ATP6V1B1: variants seen among roughly 807,000 people sequenced by gnomAD.
ATP6V1B1 encodes ATPase H+ transporting V1 subunit B1.
In ATP6V1B1, 41 loss-of-function variants were observed where a neutral mutation model predicts 62.1. That is an observed-to-expected ratio of 0.66 (90% CI 0.51 to 0.86). The LOEUF (loss-of-function observed/expected upper bound fraction) is 0.86, where lower values mean the gene tolerates loss of function less well. Among genes scored for constraint, ATP6V1B1 ranks in the 40% least tolerant of loss-of-function variants. The probability of loss-of-function intolerance (pLI) is 0.00; values close to 1 mark genes in which losing one functional copy is unlikely to be tolerated. For synonymous variants in ATP6V1B1, 253 were observed against 273.4 expected (o/e 0.93, Z 0.74); for missense variants, 651 against 697.5 (o/e 0.93, Z 0.75).
At chr2:70,964,348 AG>A (rs1680663489) in intron 11 of ATP6V1B1, 89 bp from the exon 12 acceptor site, 2 of 1,346,410 alleles carry the variant, frequency 1.5e-6, no homozygotes, top group Non-Finnish European at 2.1e-6. Flanking sequence ...ATGTAGGATA[AG>A]TGAGGAGCTT....
intron 1 of ATP6V1B1, chr2:70,938,566 A>C: frequency 1.0e-6 from 1 of 985,300 alleles, no homozygotes; most frequent in Non-Finnish European, 1.2e-6. Context: ...CTGAGACTTT[A>C]AGGCTGATTT....
At position 70,959,608 on chromosome 2, in the gene ATP6V1B1, G is replaced by C. The variant is rs1264949493; in HGVS notation, c.446-331G>C. 1.3e-5 allele frequency among the ~76,000 whole-genome samples: 2 copies of C among 152,234 alleles called. No homozygotes were observed. Among genetic ancestry groups the C allele is most frequent in the African/African-American group, 4.8e-5 (2 of 41,456 alleles). ...ATCTGGAGGTGGTGATGAGGGCTCT[G>C]CCCTCTTGGGCCCTGAAGCCTCAGC... On this transcript the variant is annotated intron_variant, in intron 5 of 13. Coordinates refer to ENST00000234396, the MANE Select transcript of ATP6V1B1 (RefSeq NM_001692.4). This position sits in a 1 kb window ranked among gnomAD's most constrained non-coding sequence, Gnocchi z 4.2.
In ATP6V1B1 at chr2:70,959,187, G is replaced by C; in HGVS notation, c.445+92G>C. On this transcript the variant is annotated intron_variant, in intron 5 of 13. Coordinates refer to ENST00000234396, the MANE Select transcript of ATP6V1B1 (RefSeq NM_001692.4). The surrounding 1 kb of genome is among the most constrained non-coding windows in gnomAD (Gnocchi z 4.2). ...TCTGCCCAGACTCACAAGCAGATCA[G>C]ATGTGATGGGAGAGCAGCAAAGGCC... is the stretch of plus-strand genomic sequence containing the variant. The C allele has an allele frequency of 7.2e-7, 1 of 1,386,000 alleles. No homozygotes were observed. 85.9% of individuals were successfully genotyped at this position (1,386,000 alleles called of 1,614,324 possible).
In ATP6V1B1 at chr2:70,963,942, G is replaced by A; in HGVS notation, c.1143+288G>A. On this transcript the variant is annotated intron_variant, in intron 11 of 13. Coordinates refer to ENST00000234396, the MANE Select transcript of ATP6V1B1 (RefSeq NM_001692.4). This position sits in a 1 kb window ranked among gnomAD's most constrained non-coding sequence, Gnocchi z 4.3. ...TATATCACCCAGACGCATTGTGGAGGATAAAAATAAGTTGGCATATAGAAA... is the reference window on the plus strand; with the variant it reads ...TATATCACCCAGACGCATTGTGGAGAATAAAAATAAGTTGGCATATAGAAA... 1.9e-6 allele frequency: 1 copy of A among 521,198 alleles called. No homozygotes were observed. 32.3% of individuals were successfully genotyped at this position (521,198 alleles called of 1,614,324 possible).
intron 2 of ATP6V1B1, chr2:70,943,966 C>T: frequency 2.1e-6 from 2 of 971,958 alleles, no homozygotes; most frequent in Non-Finnish European, 2.4e-6. Flanking sequence ...CTTGGGAAAC[C>T]TCCTACTATC....
In ATP6V1B1 at chr2:70,963,375, C is replaced by T. The variant is rs1229753855; in HGVS notation, c.1060+63C>T. The T allele has an allele frequency of 6.2e-7, 1 of 1,610,070 alleles. No individual in the cohort carries two copies. Among genetic ancestry groups the T allele is most frequent in the Non-Finnish European group, 8.5e-7 (1 of 1,177,756 alleles). The stretch of plus-strand genomic sequence containing the variant: ...CTGTCCTCCCTTTTCCAACCAGATA[C>T]TTAAAGGGCCCACGTTGCTTTGCAC... On this transcript the variant is annotated intron_variant, in intron 10 of 13. Coordinates refer to ENST00000234396, the MANE Select transcript of ATP6V1B1 (RefSeq NM_001692.4). This position sits in a 1 kb window ranked among gnomAD's most constrained non-coding sequence, Gnocchi z 4.3.
intron 2 of ATP6V1B1, among the ~76,000 whole-genome samples, chr2:70,956,709 T>C (rs1263251510): frequency 6.6e-6 from 1 of 152,028 alleles, no homozygotes; most frequent in East Asian, 1.9e-4. Flanking sequence ...CTCAAGGGAT[T>C]CTCCTGCCTC....
intron 2 of ATP6V1B1, 172 bp from the exon 3 acceptor site, chr2:70,957,874 C>A: frequency 1.5e-6 from 1 of 682,694 alleles, no homozygotes; most frequent in South Asian, 1.7e-5. Context: ...GTGCAACTGC[C>A]TCCCAAACAG....
rs1193336371 is a variant in ATP6V1B1, at chr2:70,959,251, CG to C, written c.445+157del. Among the ~76,000 whole-genome samples the C allele has an allele frequency of 1.3e-5, 2 of 152,188 alleles. No homozygotes were observed. Among genetic ancestry groups the C allele is most frequent in the African/African-American group, 4.8e-5 (2 of 41,442 alleles). ...ATCTTCCACTGAACCCCAACACTGC[CG>C]TCAGCACTCCATGTCCATCCCCTGT... On this transcript the variant is annotated intron_variant, in intron 5 of 13. Coordinates refer to ENST00000234396, the MANE Select transcript of ATP6V1B1 (RefSeq NM_001692.4). This position sits in a 1 kb window ranked among gnomAD's most constrained non-coding sequence, Gnocchi z 4.2.
At chr2:70,956,417 T>C (rs1358511278) in intron 2 of ATP6V1B1, among the ~76,000 whole-genome samples, 2 of 152,222 alleles carry the variant, frequency 1.3e-5, no homozygotes, top group Non-Finnish European at 2.9e-5. Context: ...CTGAATGATA[T>C]TCTATTGTAT....
chr2:70,946,510 CT>C (rs1396708044), intron 2 of ATP6V1B1, among the ~76,000 whole-genome samples: 3 of 152,226 alleles, frequency 2.0e-5, no homozygotes, highest in African/African-American at 7.2e-5. Flanking sequence ...GCCCAGAAGT[CT>C]GTCCTCACAA....
rs556703491 is a variant in ATP6V1B1 at position 70,957,518 on chromosome 2, G to C, written c.175-528G>C. Among the ~76,000 whole-genome samples, 5 of 152,276 alleles carry C rather than the reference G, an allele frequency of 3.3e-5. No individual in the cohort carries two copies. The East Asian group carries it at 9.6e-4, about 29-fold the overall frequency. On this transcript the variant is annotated intron_variant, in intron 2 of 13. Transcript: ENST00000234396. The stretch of plus-strand genomic sequence containing the variant: ...GTATCGAAGGACGCCTGAGCAGAGG[G>C]AAGCACTTTGCGAGTGTGTTTACCC...
rs1366898349 is a variant in ATP6V1B1 at position 70,960,061 on chromosome 2, G to A, written c.568G>A (p.Gly190Arg). 4 of 1,614,056 alleles carry A rather than the reference G, an allele frequency of 2.5e-6. No individual in the cohort carries two copies. The highest frequency in any genetic ancestry group is 3.4e-6 in the Non-Finnish European group (4 of 1,180,044). The stretch of plus-strand genomic sequence containing the variant: ...GAAGATCCCCATCTTCTCAGCAGCC[G>A]GGCTCCCCCACAATGAGGTGAGGCC... ...GQKIPIFSAAGLPHNEIAAQI... is the reference protein window; with the variant it reads ...GQKIPIFSAARLPHNEIAAQI... The change falls in exon 6 of 14, where the codon GGG (glycine) becomes AGG (arginine). Residue 190 changes from glycine (G) to arginine (R), a missense_variant. Gly to Arg is a moderately radical substitution (Grantham distance 125). Coordinates refer to ENST00000234396, the MANE Select transcript of ATP6V1B1 (RefSeq NM_001692.4).
At chr2:70,958,297 G>A in intron 3 of ATP6V1B1, 36 bp from the exon 4 acceptor site, 1 of 1,610,154 alleles carries the variant, frequency 6.2e-7, no homozygotes, top group African/African-American at 1.3e-5. Context: ...CCTCCAGCAG[G>A]CCCCTTAGTG....
chr2:70,938,392 GCCT>G (rs1190351324), intron 1 of ATP6V1B1, among the ~76,000 whole-genome samples: 1 of 152,202 alleles, frequency 6.6e-6, no homozygotes, highest in Non-Finnish European at 1.5e-5. Flanking sequence ...CCCCAGCCTG[GCCT>G]CCTACCCTGG....
intron 1 of ATP6V1B1, chr2:70,942,525 C>T (rs1237670561): frequency 2.5e-5 from 10 of 396,680 alleles, no homozygotes; most frequent in South Asian, 2.7e-4. Flanking sequence ...TTTTCTTTGG[C>T]ATGGGGTGGC....
chr2:70,948,558 G>A (rs1680242091), intron 2 of ATP6V1B1: 1 of 154,504 alleles, frequency 6.5e-6, no homozygotes, highest in Middle Eastern at 5.9e-4. Flanking sequence ...CAGAGTGGGA[G>A]AGGAAAACGA....
intron 2 of ATP6V1B1, among the ~76,000 whole-genome samples, chr2:70,944,395 AC>A (rs1680094086): frequency 6.7e-6 from 1 of 149,300 alleles, no homozygotes; most frequent in Admixed American, 6.7e-5. Context: ...CCCTCCACCA[AC>A]CAGCCCCACT....
chr2:70,961,984 C>T (rs1680598583), intron 8 of ATP6V1B1, among the ~76,000 whole-genome samples: 1 of 87,002 alleles, frequency 1.1e-5, no homozygotes, highest in African/African-American at 3.7e-5. Flanking sequence ...GTGTCACATC[C>T]ACAAAGTCAC....
Sources: allele counts gnomAD v4.1 joint callset (sites outside exome capture counted in the v4.1 genomes callset), GRCh38; gene constraint gnomAD v4.1.1; non-coding constraint Gnocchi (gnomAD v3.1); transcripts MANE v1.5; gene names NCBI Gene and HGNC (gene_info 2026-07-23, HGNC 2026-07-21).